The following SEL1L2 variants were observed in gnomAD, a reference collection of about 807,000 sequenced individuals.
The protein encoded by SEL1L2 is SEL1L2 adaptor subunit of SYVN1 ubiquitin ligase.
SEL1L2 carries 89 observed loss-of-function variants against 98.8 expected under a neutral mutation model. The observed-to-expected ratio is 0.90, with a 90% CI of 0.76 to 1.07. The LOEUF is 1.07. SEL1L2 is among the 50% of genes least tolerant of loss of function. The pLI is 0.00. For synonymous variants in SEL1L2, 262 were observed against 278.5 expected, an observed-to-expected ratio of 0.94 and a Z score of 0.59; for missense variants, 788 against 812.0, an observed-to-expected ratio of 0.97 and a Z score of 0.36.
chr20:13,969,857 C>G (rs1406394653), intron 1 of SEL1L2, among the ~76,000 whole-genome samples: 3 of 152,112 alleles, frequency 2.0e-5, no homozygotes, highest in African/African-American at 4.8e-5. Context: ...AATAAATTTG[C>G]CTTCCTACCT....
At position 13,877,544 on chromosome 20, in the gene SEL1L2, T is replaced by G; in HGVS notation, c.1002A>C (p.Ala334=). ...YFLKAAKAGS[A]NAMAFIGKMY... ...CCTTTCCTATAAATGCCATGGCATTTGCACTCCCGGCCTTTGCTGCCTTTA... is the reference window on the plus strand; with the variant it reads ...CCTTTCCTATAAATGCCATGGCATTGGCACTCCCGGCCTTTGCTGCCTTTA... Residue 334 remains alanine (A), a synonymous_variant, in exon 11 of 20, where the codon GCA becomes GCC. Transcript: ENST00000284951. The G allele has an allele frequency of 6.2e-7, 1 of 1,613,218 alleles. No homozygotes were observed. The highest frequency in any genetic ancestry group is 8.5e-7 in the Non-Finnish European group (1 of 1,179,388).
intron 1 of SEL1L2, among the ~76,000 whole-genome samples, chr20:13,969,978 A>G: frequency 6.6e-6 from 1 of 150,828 alleles, no homozygotes. Flanking sequence ...CATATATTGA[A>G]TTTTATTCTA....
At chr20:13,933,053 C>CA (rs1458232776) in intron 2 of SEL1L2, among the ~76,000 whole-genome samples, 2 of 151,760 alleles carry the variant, frequency 1.3e-5, no homozygotes, top group Admixed American at 6.6e-5. Context: ...ACTAAAAATA[C>CA]AAAAAAATTC....
Position 13,850,219 on chromosome 20 carries a change from T to C in SEL1L2, c.1919A>G (p.His640Arg), listed in dbSNP as rs895470197. 1.9e-6 allele frequency: 3 copies of C among 1,613,758 alleles called. No individual in the cohort carries two copies. The highest frequency in any genetic ancestry group is 1.3e-5 in the African/African-American group (1 of 74,870). The change falls in exon 19 of 20, where the codon CAT (histidine) becomes CGT (arginine). Residue 640 changes from histidine to arginine, a missense_variant. Transcript: ENST00000284951. ...AAAAAACAGGATATCCCGGAGCAAA[T>C]GCGTAGTTTCCAGTTTCATGACGGC... ...LFAVMKLETTHLLRDILFFNF... is the reference protein window; with the variant it reads ...LFAVMKLETTRLLRDILFFNF...
In SEL1L2 at chr20:13,919,007, G is replaced by T. The variant is rs768222369; in HGVS notation, c.386+14C>A. 4 of 1,574,174 alleles carry T rather than the reference G, an allele frequency of 2.5e-6. No individual in the cohort carries two copies. In the East Asian group the frequency reaches 9.0e-5, roughly 35 times the overall value. ...GAAATTCAACTTGGCTAAGGTCACT[G>T]GATAAAGACTTACTCTTCTTTTTGT... On this transcript the variant is annotated intron_variant, in intron 4 of 19. Coordinates refer to ENST00000284951, the MANE Select transcript of SEL1L2 (RefSeq NM_025229.2).
At chr20:13,929,487 CTTT>C (rs747948529) in intron 3 of SEL1L2, among the ~76,000 whole-genome samples, 11 of 73,316 alleles carry the variant, frequency 1.5e-4, no homozygotes, top group Non-Finnish European at 1.8e-4. Flanking sequence ...TTGCCTTTGC[CTTT>C]TTTTTTTTTT....
rs543316278 is a variant in SEL1L2, at chr20:13,969,088, T to C, written c.59-12957A>G. 5.9e-5 allele frequency among the ~76,000 whole-genome samples: 9 copies of C among 152,316 alleles called. No individual in the cohort carries two copies. The East Asian group carries it at 9.6e-4, about 16-fold the overall frequency. ...TAGTTGAAAGGCTGAAATTTTGCAA[T>C]AGATAGAAAGTTTCCACTTAGGGTT... On this transcript the variant is annotated intron_variant, in intron 1 of 19. Coordinates refer to ENST00000284951, the MANE Select transcript of SEL1L2 (RefSeq NM_025229.2).
intron 1 of SEL1L2, among the ~76,000 whole-genome samples, chr20:13,986,603 A>G (rs2052196913): frequency 6.6e-6 from 1 of 152,136 alleles, no homozygotes; most frequent in African/African-American, 2.4e-5. Context: ...GTAATATTCC[A>G]TTGTATGTAT....
At chr20:13,961,594 G>A (rs1600937026) in intron 1 of SEL1L2, among the ~76,000 whole-genome samples, 2 of 152,334 alleles carry the variant, frequency 1.3e-5, no homozygotes, top group East Asian at 3.9e-4. Flanking sequence ...AGTTCAAAAT[G>A]AGAAGAGGCC....
chr20:13,897,352 A>T (rs769107653), intron 5 of SEL1L2, among the ~76,000 whole-genome samples: 2 of 152,168 alleles, frequency 1.3e-5, no homozygotes, highest in African/African-American at 4.8e-5. Flanking sequence ...TTTGGCAGTG[A>T]TTTCTTGGAT....
chr20:13,926,286 G>A (rs903750736), intron 3 of SEL1L2, among the ~76,000 whole-genome samples: 2 of 152,080 alleles, frequency 1.3e-5, no homozygotes, highest in Non-Finnish European at 2.9e-5. Context: ...CTGCACTCCA[G>A]CCTGGGCGAC....
Position 13,876,052 on chromosome 20 carries a change from T to A in SEL1L2, c.1090A>T (p.Met364Leu). 1 of 1,613,652 alleles carries A rather than the reference T, an allele frequency of 6.2e-7. No individual in the cohort carries two copies. The highest frequency in any genetic ancestry group is 8.5e-7 in the Non-Finnish European group (1 of 1,179,548). Residue 364 changes from methionine (M) to leucine (L), a missense_variant, in exon 12 of 20, where the codon ATG (methionine) becomes TTG (leucine). Coordinates refer to ENST00000284951, the MANE Select transcript of SEL1L2 (RefSeq NM_025229.2). ...TGAGGACATACCTTACTGGCTGCCA[T>A]GGAAAAGTACTTGAAGGCAGTAGCG... ...NNATAFKYFS[M>L]AASKGNAIGL...
chr20:13,863,968 C>CAA (rs11476600), intron 17 of SEL1L2, among the ~76,000 whole-genome samples: 16 of 87,966 alleles, frequency 1.8e-4, no homozygotes, highest in Non-Finnish European at 3.3e-4. Context: ...GACTCCATCT[C>CAA]AAAAAAAAAA....
At chr20:13,880,210 A>G (rs1452352617) in intron 10 of SEL1L2, among the ~76,000 whole-genome samples, 1 of 152,240 alleles carries the variant, frequency 6.6e-6, no homozygotes, top group East Asian at 1.9e-4. Context: ...TTCAAAGTCC[A>G]GTTTAGTAAT....
In SEL1L2 at chr20:13,888,519, C is replaced by T. The variant is rs1263494233; in HGVS notation, c.550-7G>A. ...AAGACAAAAATCCTAATGCCTAAAGCACAAAAGAAGAAACAAAATTTAATA... is the reference window on the plus strand; with the variant it reads ...AAGACAAAAATCCTAATGCCTAAAGTACAAAAGAAGAAACAAAATTTAATA... On this transcript the variant is annotated splice_polypyrimidine_tract_variant and splice_region_variant and intron_variant, in intron 5 of 19. Transcript: ENST00000284951. 6.6e-7 allele frequency: 1 copy of T among 1,509,684 alleles called. No individual in the cohort carries two copies. Among genetic ancestry groups the T allele is most frequent in the Non-Finnish European group, 9.1e-7 (1 of 1,098,794 alleles). The allele number at this position is 1,509,684 out of a possible 1,614,324, so 93.5% of individuals were successfully genotyped here.
At chr20:13,957,680 C>T (rs528602153) in intron 1 of SEL1L2, among the ~76,000 whole-genome samples, 185 of 152,200 alleles carry the variant, frequency 1.2e-3, no homozygotes, top group African/African-American at 4.1e-3. Flanking sequence ...AGTTTTGAGA[C>T]GAGCCTGGGC....
upstream of SEL1L2, chr20:13,990,620 G>T (rs761913454): frequency 7.2e-5 from 72 of 996,738 alleles, no homozygotes; most frequent in Admixed American, 2.8e-4. Context: ...GGACTGTGGT[G>T]GGGGCAGGAG....
rs1001544471 is a variant in SEL1L2, at chr20:13,956,521, A to C, written c.59-390T>G. ...GAAGCTATTAAAACATAGAAGAGGA[A>C]ATATAACATTTTATATTTTTATAGA... On this transcript the variant is annotated intron_variant, in intron 1 of 19. Coordinates refer to ENST00000284951, the MANE Select transcript of SEL1L2 (RefSeq NM_025229.2). Among the ~76,000 whole-genome samples the C allele has an allele frequency of 2.0e-5, 3 of 152,290 alleles. No individual in the cohort carries two copies. In the East Asian group the frequency reaches 5.8e-4, roughly 29 times the overall value.
At chr20:13,872,366 T>G (rs182379727) in intron 12 of SEL1L2, among the ~76,000 whole-genome samples, 1 of 152,160 alleles carries the variant, frequency 6.6e-6, no homozygotes, top group Non-Finnish European at 1.5e-5. Flanking sequence ...CCTGTGATAG[T>G]GAGTGAGTTC....
Sources: allele counts gnomAD v4.1 joint callset (sites outside exome capture counted in the v4.1 genomes callset), GRCh38; gene constraint gnomAD v4.1.1; transcripts MANE v1.5; gene names NCBI Gene and HGNC (gene_info 2026-07-23, HGNC 2026-07-21).